The following SCD5 variants were observed in gnomAD, a reference collection of about 807,000 sequenced individuals.
SCD5 encodes stearoyl-CoA desaturase 5, also known as acyl-CoA-desaturase 4.
Under a neutral mutation model 30.4 loss-of-function variants are expected in SCD5, and 20 were observed. The observed-to-expected ratio is 0.66, with a 90% confidence interval of 0.46 to 0.96. SCD5 has a LOEUF of 0.96. Ranked by LOEUF, SCD5 falls within the 40% of genes least tolerant of loss-of-function variation. The pLI, the probability that SCD5 is intolerant of heterozygous loss-of-function variation, is 0.00. For synonymous variants in SCD5, 173 were observed against 176.4 expected, an observed-to-expected ratio of 0.98 and a Z score of 0.16; for missense variants, 381 against 443.3, an observed-to-expected ratio of 0.86 and a Z score of 1.26.
intron 3 of SCD5, among the ~76,000 whole-genome samples, chr4:82,652,141 G>A (rs1489898429): frequency 6.6e-6 from 1 of 152,184 alleles, no homozygotes; most frequent in Non-Finnish European, 1.5e-5. Flanking sequence ...CAAAAGCACA[G>A]TGTCACGAAA....
chr4:82,695,131 T>A (rs544966479), intron 2 of SCD5, among the ~76,000 whole-genome samples: 1 of 152,226 alleles, frequency 6.6e-6, no homozygotes, highest in African/African-American at 2.4e-5. Context: ...AGAATTACAC[T>A]GAAGTACACC....
At chr4:82,732,572 A>G (rs1401268534) in intron 1 of SCD5, among the ~76,000 whole-genome samples, 3 of 152,196 alleles carry the variant, frequency 2.0e-5, no homozygotes, top group Admixed American at 6.5e-5. Flanking sequence ...CGTCCTGTCC[A>G]AGGTTGGTTA....
At chr4:82,732,600 T>G (rs531370493) in intron 1 of SCD5, among the ~76,000 whole-genome samples, 2 of 152,292 alleles carry the variant, frequency 1.3e-5, no homozygotes, top group South Asian at 4.2e-4. Flanking sequence ...GTGCCTTGAG[T>G]TGCTGGGGAC....
At chr4:82,735,448 C>A (rs1028115005) in intron 1 of SCD5, among the ~76,000 whole-genome samples, 1 of 151,986 alleles carries the variant, frequency 6.6e-6, no homozygotes, top group Non-Finnish European at 1.5e-5. Context: ...GTGCAATAAG[C>A]GGGTTGGGTA....
intron 2 of SCD5, 45 bp from the exon 3 acceptor site, chr4:82,680,957 C>T: frequency 6.4e-7 from 1 of 1,562,186 alleles, no homozygotes; most frequent in Non-Finnish European, 8.7e-7. Flanking sequence ...AACCGCACCG[C>T]CGAGCATCCT....
chr4:82,695,325 G>A (rs546574982), intron 2 of SCD5, among the ~76,000 whole-genome samples: 40 of 152,204 alleles, frequency 2.6e-4, no homozygotes, highest in African/African-American at 9.6e-4. Flanking sequence ...ATATAGAGAG[G>A]GGCAAGCATT....
chr4:82,661,677 T>C (rs571783106), intron 3 of SCD5, among the ~76,000 whole-genome samples: 1 of 152,284 alleles, frequency 6.6e-6, no homozygotes, highest in Non-Finnish European at 1.5e-5. Context: ...AGATGCCTCT[T>C]GTTTAAACAA....
intron 3 of SCD5, chr4:82,660,598 TAA>T (rs1341219287): frequency 7.9e-7 from 1 of 1,266,816 alleles, no homozygotes; most frequent in Admixed American, 3.6e-5. Context: ...AATAATTTTG[TAA>T]GGTAGGTATC....
intron 2 of SCD5, among the ~76,000 whole-genome samples, chr4:82,698,970 C>T (rs186426316): frequency 1.3e-5 from 2 of 152,304 alleles, no homozygotes; most frequent in Admixed American, 1.3e-4. Flanking sequence ...CTGTCTTGTT[C>T]TCCTGTGCCT....
chr4:82,660,787 C>A (rs73829957), intron 3 of SCD5: 23 of 1,596,348 alleles, frequency 1.4e-5, no homozygotes, highest in Non-Finnish European at 1.8e-5. Context: ...ATGCTTCACA[C>A]CGTTAAAAAA....
At chr4:82,726,063 C>T (rs1206590760) in intron 1 of SCD5, among the ~76,000 whole-genome samples, 1 of 152,110 alleles carries the variant, frequency 6.6e-6, no homozygotes, top group East Asian at 1.9e-4. Flanking sequence ...TTCATCCTTC[C>T]AGAAGGCTCT....
chr4:82,756,203 C>T (rs1172510183), intron 1 of SCD5, among the ~76,000 whole-genome samples: 3 of 152,208 alleles, frequency 2.0e-5, no homozygotes, highest in African/African-American at 4.8e-5. Flanking sequence ...ATCACCCACT[C>T]GGTCACCCAA....
At chr4:82,660,230 T>C (rs149566659) in intron 3 of SCD5, 8,568 of 155,036 alleles carry the variant, frequency 0.055, 365 homozygotes, top group African/African-American at 0.12. Flanking sequence ...GTGGGAGACT[T>C]TAATACCCCA....
intron 1 of SCD5, among the ~76,000 whole-genome samples, chr4:82,770,123 G>A (rs1721586608): frequency 6.6e-6 from 1 of 152,036 alleles, no homozygotes; most frequent in Non-Finnish European, 1.5e-5. Context: ...CCATGTTGGT[G>A]TGCTGCACCC....
intron 2 of SCD5, chr4:82,692,433 C>G (rs540818127): frequency 6.5e-6 from 1 of 153,942 alleles, no homozygotes; most frequent in South Asian, 1.8e-4. Context: ...AGCCAGCACC[C>G]CACACAACAC....
At chr4:82,755,479 G>A (rs184743742) in intron 1 of SCD5, among the ~76,000 whole-genome samples, 40 of 152,112 alleles carry the variant, frequency 2.6e-4, no homozygotes, top group African/African-American at 8.0e-4. Flanking sequence ...CAGCCTGGGC[G>A]ACAGAGCAAG....
chr4:82,729,483 G>A (rs10020368), intron 1 of SCD5, among the ~76,000 whole-genome samples: 95,055 of 151,972 alleles, frequency 0.63, 32,411 homozygotes, highest in African/African-American at 0.91. Flanking sequence ...CCCTCCCCCC[G>A]GCATCTCCCA....
intron 1 of SCD5, among the ~76,000 whole-genome samples, chr4:82,721,429 T>C (rs552182660): frequency 3.3e-5 from 5 of 152,272 alleles, no homozygotes; most frequent in African/African-American, 1.2e-4. Context: ...AGAATCACAA[T>C]TGTGTCCCCC....
Position 82,716,771 on chromosome 4 carries a change from A to C in SCD5, c.233-11358T>G, listed in dbSNP as rs1242798621. 1.3e-5 allele frequency among the ~76,000 whole-genome samples: 2 copies of C among 151,616 alleles called. 1 individual carries two copies. The highest frequency in any genetic ancestry group is 4.9e-5 in the African/African-American group (2 of 41,004). Reference sequence around the variant, plus strand: ...AGAGGGTGCAATGAGCCGAGATCGTACCACTGCACTCCAGCCTGGGCAACA... The same window carrying C: ...AGAGGGTGCAATGAGCCGAGATCGTCCCACTGCACTCCAGCCTGGGCAACA... On this transcript the variant is annotated intron_variant, in intron 1 of 4. Transcript: ENST00000319540.
Sources: allele counts gnomAD v4.1 joint callset (sites outside exome capture counted in the v4.1 genomes callset), GRCh38; gene constraint gnomAD v4.1.1; transcripts MANE v1.5; gene names NCBI Gene and HGNC (gene_info 2026-07-23, HGNC 2026-07-21).